CUL3: variants seen among roughly 807,000 people sequenced by gnomAD.
The protein encoded by CUL3 is cullin-3.
CUL3 carries 19 observed loss-of-function variants against 89.1 expected under a neutral mutation model. The ratio of observed to expected loss-of-function variants is 0.21; its 90% CI spans 0.15 to 0.31. The LOEUF (loss-of-function observed/expected upper bound fraction) is 0.31. CUL3 is among the 10% of genes least tolerant of loss of function. CUL3 has a pLI of 1.00. For synonymous variants in CUL3, 351 were observed against 308.4 expected (o/e 1.14, Z -1.45); for missense variants, 469 against 942.3 (o/e 0.50, Z 6.58).
intron 2 of CUL3, among the ~76,000 whole-genome samples, chr2:224,539,581 T>C (rs1029925264): frequency 2.0e-5 from 3 of 152,302 alleles, no homozygotes; most frequent in South Asian, 2.1e-4. Context: ...AGTGGATTAA[T>C]AAATTGTACT....
intron 1 of CUL3, among the ~76,000 whole-genome samples, chr2:224,580,668 A>G (rs1695414737): frequency 6.6e-6 from 1 of 152,182 alleles, no homozygotes; most frequent in Admixed American, 6.5e-5. Context: ...TGGGCGACAG[A>G]GCAAGACTCT....
At chr2:224,532,644 C>T (rs1461913022) in intron 3 of CUL3, among the ~76,000 whole-genome samples, 1 of 152,128 alleles carries the variant, frequency 6.6e-6, no homozygotes, top group African/African-American at 2.4e-5. Flanking sequence ...ACATTTCTTA[C>T]AACACATTTA....
intron 1 of CUL3, among the ~76,000 whole-genome samples, chr2:224,583,890 G>A (rs1025088309): frequency 6.6e-6 from 1 of 152,196 alleles, no homozygotes; most frequent in African/African-American, 2.4e-5. Context: ...ATCATATGAA[G>A]TATTTATGAA....
At chr2:224,542,658 G>T (rs994509227) in intron 2 of CUL3, among the ~76,000 whole-genome samples, 3 of 152,128 alleles carry the variant, frequency 2.0e-5, no homozygotes, top group Non-Finnish European at 4.4e-5. Context: ...ATCCTTCCAC[G>T]TTGGCCTCCC....
At chr2:224,584,830 TG>T in intron 1 of CUL3, 113 bp downstream of exon 1, 1 of 588,814 alleles carries the variant, frequency 1.7e-6, no homozygotes, top group Non-Finnish European at 2.3e-6. Flanking sequence ...CCGGCGGGCG[TG>T]GGGGAGGGGA....
At chr2:224,525,547 AAC>A (rs1693441608) in intron 3 of CUL3, among the ~76,000 whole-genome samples, 1 of 152,234 alleles carries the variant, frequency 6.6e-6, no homozygotes. Flanking sequence ...CCTTCAAAGA[AAC>A]ACAATAAATT....
chr2:224,517,168 T>C (rs1448926334), intron 3 of CUL3, among the ~76,000 whole-genome samples: 1 of 152,194 alleles, frequency 6.6e-6, no homozygotes, highest in Non-Finnish European at 1.5e-5. Context: ...TAAGTATATA[T>C]TGTACAGAAA....
rs1353566464 is a variant in CUL3 at position 224,473,811 on chromosome 2, A to G, written c.*434T>C. ...AGAGCAAGATAACTGGGAAATCTGC[A>G]TTTCTTTTGCCATTTTTGTTACCCA... On this transcript the variant is annotated 3_prime_UTR_variant, in exon 16 of 16. Coordinates refer to ENST00000264414, the MANE Select transcript of CUL3 (RefSeq NM_003590.5). 5 of 198,572 alleles carry G rather than the reference A, an allele frequency of 2.5e-5. No homozygotes were observed. The highest frequency in any genetic ancestry group is 5.2e-5 in the Non-Finnish European group (5 of 95,938). 12.3% of individuals were successfully genotyped at this position (198,572 alleles called of 1,614,324 possible). A position where few individuals can be genotyped will look rare whatever the true frequency, so the allele number is the denominator to read the frequency against.
intron 13 of CUL3, chr2:224,494,992 C>T (rs766162308): frequency 5.9e-5 from 9 of 151,892 alleles, no homozygotes; most frequent in Non-Finnish European, 8.8e-5. Flanking sequence ...ATATATCTGA[C>T]GAAGGACTTG....
intron 1 of CUL3, among the ~76,000 whole-genome samples, chr2:224,579,233 A>G (rs1695380616): frequency 6.6e-6 from 1 of 152,204 alleles, no homozygotes; most frequent in East Asian, 1.9e-4. Context: ...AACTATAAAC[A>G]GTATTAGTTT....
chr2:224,580,410 G>A (rs935829620), intron 1 of CUL3, among the ~76,000 whole-genome samples: 1 of 152,204 alleles, frequency 6.6e-6, no homozygotes, highest in Non-Finnish European at 1.5e-5. Flanking sequence ...AGGCTGAAAC[G>A]CGGTGGCTCA....
intron 6 of CUL3, 47 bp from the exon 7 acceptor site, chr2:224,507,050 A>C: frequency 6.4e-7 from 1 of 1,570,680 alleles, no homozygotes; most frequent in Non-Finnish European, 8.7e-7. Context: ...ATTAAAGAAA[A>C]AAACACGAAT....
rs1243407967 is a variant in CUL3, at chr2:224,557,717, T to C, written c.206A>G (p.His69Arg). ...TAGTCCAGTGTAGAGCTTTTCTCCATGTTTATGCAAAACCATTGTATATGC... is the reference window on the plus strand; with the variant it reads ...TAGTCCAGTGTAGAGCTTTTCTCCACGTTTATGCAAAACCATTGTATATGC... ...RNAYTMVLHK[H>R]GEKLYTGLRE... Residue 69 changes from histidine (H) to arginine (R), a missense_variant, in exon 2 of 16, where the codon CAT becomes CGT. Physicochemically the swap from His to Arg is conservative, Grantham distance 29. This residue lies in a region of CUL3 where 370 missense variants were observed against 733.2 expected (regional missense o/e 0.50). Coordinates refer to ENST00000264414, the MANE Select transcript of CUL3 (RefSeq NM_003590.5). 2 of 1,612,426 alleles carry C rather than the reference T, an allele frequency of 1.2e-6. No homozygotes were observed. The highest frequency in any genetic ancestry group is 1.7e-5 in the Admixed American group (1 of 59,952).
rs551575265 is a variant in CUL3 at position 224,576,973 on chromosome 2, G to A, written c.66+7971C>T. ...TCCTTTGAGAATGCTTTCTTAGAAC[G>A]ATTCACAAACTGGCTCTGCAGGCTT... On this transcript the variant is annotated intron_variant, in intron 1 of 15. Transcript: ENST00000264414. Among the ~76,000 whole-genome samples the A allele has an allele frequency of 1.2e-4, 19 of 152,228 alleles. No individual in the cohort carries two copies. In the East Asian group the frequency reaches 1.9e-3, roughly 15 times the overall value.
rs151077261 is a variant in CUL3 at position 224,524,659 on chromosome 2, T to C, written c.379-9887A>G. ...CTCAACTAGATCACGGTGATCTGAC[T>C]GTACTTTACCTGCCTGCCGGAACAA... On this transcript the variant is annotated intron_variant, in intron 3 of 15. Coordinates refer to ENST00000264414, the MANE Select transcript of CUL3 (RefSeq NM_003590.5). Among the ~76,000 whole-genome samples, 18 of 152,046 alleles carry C rather than the reference T, an allele frequency of 1.2e-4. No individual in the cohort carries two copies. In the East Asian group the frequency reaches 3.5e-3, roughly 29 times the overall value.
intron 2 of CUL3, among the ~76,000 whole-genome samples, chr2:224,551,205 A>ATTT (rs1211420165): frequency 3.7e-5 from 5 of 133,994 alleles, no homozygotes; most frequent in African/African-American, 2.8e-5. Flanking sequence ...AAGCCCGGCA[A>ATTT]TTTTTTTTTT....
intron 10 of CUL3, among the ~76,000 whole-genome samples, chr2:224,501,119 A>G (rs13007899): frequency 0.18 from 28,142 of 152,158 alleles, 2,951 homozygotes; most frequent in South Asian, 0.27. Context: ...AAGGTCAAGG[A>G]GGGTCAATTA....
intron 1 of CUL3, among the ~76,000 whole-genome samples, chr2:224,558,517 A>G (rs1260306030): frequency 6.6e-6 from 1 of 152,200 alleles, no homozygotes; most frequent in Non-Finnish European, 1.5e-5. Flanking sequence ...TTTTATGCCA[A>G]TAAAACCTGC....
At chr2:224,577,302 C>T (rs927729150) in intron 1 of CUL3, among the ~76,000 whole-genome samples, 9 of 152,186 alleles carry the variant, frequency 5.9e-5, no homozygotes, top group Non-Finnish European at 1.3e-4. Context: ...GGCGCGGTGG[C>T]TCACGCCTGT....
Sources: gnomAD v4.1 joint callset for allele counts (sites outside exome capture counted in the v4.1 genomes callset) on GRCh38, gnomAD v4.1.1 for gene constraint, gnomAD v4.1.1 regional missense constraint, MANE v1.5 for transcripts, NCBI Gene and HGNC (gene_info 2026-07-23, HGNC 2026-07-21) for gene names.